TCF4: variants seen among roughly 807,000 people sequenced by gnomAD.
The protein encoded by TCF4 is SL3-3 enhancer factor 2.
TCF4 carries 3 observed loss-of-function variants against 82.1 expected under a neutral mutation model. The observed-to-expected ratio is 0.04, with a 90% confidence interval of 0.02 to 0.09. The LOEUF (loss-of-function observed/expected upper bound fraction) is 0.09. Ranked by LOEUF, TCF4 falls within the 10% of genes least tolerant of loss-of-function variation. The pLI is 1.00. For synonymous variants in TCF4, 276 were observed against 309.6 expected (o/e 0.89, Z 1.14); for missense variants, 518 against 852.7 (o/e 0.61, Z 4.89).
chr18:55,451,517 G>T (rs1384555937), intron 5 of TCF4, among the ~76,000 whole-genome samples: 1 of 152,184 alleles, frequency 6.6e-6, no homozygotes, highest in African/African-American at 2.4e-5. Context: ...TGTAAGATGT[G>T]CACTGCTCAA....
chr18:55,621,681 TATATTATATTATATA>T (rs1227584186), intron 2 of TCF4, among the ~76,000 whole-genome samples: 5 of 9,836 alleles, frequency 5.1e-4, no homozygotes, highest in African/African-American at 2.3e-3. Context: ...ATATACATTA[TATATTATATTATATA>T]ATATATATTA....
chr18:55,523,929 T>C (rs1388351485), intron 3 of TCF4, among the ~76,000 whole-genome samples: 2 of 152,170 alleles, frequency 1.3e-5, no homozygotes, highest in African/African-American at 4.8e-5. Flanking sequence ...CCAATTGTTC[T>C]AGTACCAAAA....
chr18:55,391,453 T>C (rs564009486), intron 6 of TCF4, among the ~76,000 whole-genome samples: 44 of 152,256 alleles, frequency 2.9e-4, no homozygotes, highest in African/African-American at 9.9e-4. Context: ...GATATCTTAC[T>C]TGTAAGTGAT....
rs530972789 is a variant in TCF4 at position 55,622,454 on chromosome 18, G to C, written c.286+8844C>G. 4.8e-5 allele frequency among the ~76,000 whole-genome samples: 7 copies of C among 146,364 alleles called. No individual in the cohort carries two copies. In the East Asian group the frequency reaches 1.4e-3, roughly 30 times the overall value. The stretch of plus-strand genomic sequence containing the variant: ...CCCGAGGCAGAGGTTGCAGTGAGCC[G>C]AGATCACATCACTGCACTTCAGCCT... On this transcript the variant is annotated intron_variant, in intron 2 of 20. Coordinates refer to the TCF4 transcript ENST00000398339.
chr18:55,400,940 C>G (rs1456947087), intron 6 of TCF4: 2 of 1,286,070 alleles, frequency 1.6e-6, no homozygotes, highest in Non-Finnish European at 2.0e-6. Flanking sequence ...TTTCCTATTC[C>G]GTATCTCAAT....
intron 5 of TCF4, among the ~76,000 whole-genome samples, chr18:55,452,237 T>C (rs1428279183): frequency 1.3e-5 from 2 of 152,194 alleles, no homozygotes; most frequent in Non-Finnish European, 2.9e-5. Context: ...TCTCACCATT[T>C]CATCCAGTCT....
rs1230478894 is a variant in TCF4, at chr18:55,379,762, C to G, written c.369+23692G>C. Among the ~76,000 whole-genome samples, 3 of 152,238 alleles carry G rather than the reference C, an allele frequency of 2.0e-5. No homozygotes were observed. The East Asian group carries it at 5.8e-4, about 29-fold the overall frequency. ...GTCTAAGTCAATTTAGCTGCTATAA[C>G]AAAATACGAAAGACTGGGTAGCCTA... On this transcript the variant is annotated intron_variant, in intron 6 of 19. Coordinates refer to ENST00000354452, the MANE Select transcript of TCF4 (RefSeq NM_001083962.2).
At chr18:55,540,498 A>G (rs745376387) in intron 3 of TCF4, among the ~76,000 whole-genome samples, 7 of 152,036 alleles carry the variant, frequency 4.6e-5, no homozygotes, top group Non-Finnish European at 1.0e-4. Context: ...GTTTTTTGGC[A>G]TGTTGTATAA....
At chr18:55,292,799 TACAC>T (rs750917536) in intron 8 of TCF4, among the ~76,000 whole-genome samples, 35 of 150,862 alleles carry the variant, frequency 2.3e-4, no homozygotes, top group Non-Finnish European at 4.2e-4. Flanking sequence ...TATATACACA[TACAC>T]ACATCCATTT....
intron 3 of TCF4, among the ~76,000 whole-genome samples, chr18:55,566,944 C>T (rs926635699): frequency 2.0e-5 from 3 of 152,008 alleles, no homozygotes; most frequent in Non-Finnish European, 4.4e-5. Flanking sequence ...AGTAAAACTG[C>T]TAAATGCCAA....
At chr18:55,349,116 C>T (rs914023943) in intron 8 of TCF4, among the ~76,000 whole-genome samples, 4 of 152,098 alleles carry the variant, frequency 2.6e-5, no homozygotes. Flanking sequence ...TGACTTATTG[C>T]TAGTTGAAAG....
chr18:55,323,590 T>G (rs2076074933), intron 8 of TCF4, among the ~76,000 whole-genome samples: 1 of 152,192 alleles, frequency 6.6e-6, no homozygotes, highest in Non-Finnish European at 1.5e-5. Context: ...AATCACACAT[T>G]TCATTCAAAT....
rs781505550 is a variant in TCF4 at position 55,633,279 on chromosome 18, A to G, written c.196-1891T>C. Among the ~76,000 whole-genome samples, 9 of 152,190 alleles carry G rather than the reference A, an allele frequency of 5.9e-5. No individual in the cohort carries two copies. Among genetic ancestry groups the G allele is most frequent in the Non-Finnish European group, 1.2e-4 (8 of 68,034 alleles). On this transcript the variant is annotated intron_variant, in intron 1 of 20. Coordinates refer to the TCF4 transcript ENST00000398339. The surrounding 1 kb of genome is among the most constrained non-coding windows in gnomAD (Gnocchi z 4.0). Reference sequence around the variant, plus strand: ...TATCAGCTTCTAAGGTGGCTCCCACATGCCTGGCAAGTTGGTGCTGGCTGT... The same window carrying G: ...TATCAGCTTCTAAGGTGGCTCCCACGTGCCTGGCAAGTTGGTGCTGGCTGT...
intron 5 of TCF4, among the ~76,000 whole-genome samples, chr18:55,431,683 A>G (rs4801151): frequency 0.96 from 145,616 of 152,220 alleles, 70,016 homozygotes; most frequent in East Asian, 1. Context: ...ACAAGATGGC[A>G]GCAGGCGGTG....
chr18:55,251,930 G>GTTTTTTTTTTTT (rs199695068), intron 15 of TCF4, among the ~76,000 whole-genome samples: 1 of 101,252 alleles, frequency 9.9e-6, no homozygotes. Flanking sequence ...GGGGGATGAG[G>GTTTTTTTTTTTT]TTTTTTTTTT....
At chr18:55,567,529 A>G (rs533869238) in intron 3 of TCF4, among the ~76,000 whole-genome samples, 1 of 152,298 alleles carries the variant, frequency 6.6e-6, no homozygotes, top group African/African-American at 2.4e-5. Context: ...CCTGGCCAAC[A>G]TGGTGAAACC....
chr18:55,354,573 C>T (rs1055571485), intron 6 of TCF4, among the ~76,000 whole-genome samples: 3 of 152,144 alleles, frequency 2.0e-5, no homozygotes, highest in Non-Finnish European at 4.4e-5. Context: ...AAATAGAACT[C>T]ACTGCTTGAA....
chr18:55,525,544 A>C (rs1455446973), intron 3 of TCF4, among the ~76,000 whole-genome samples: 1 of 152,190 alleles, frequency 6.6e-6, no homozygotes. Flanking sequence ...ATAGATTTGA[A>C]AATGAGACAC....
At chr18:55,264,303 A>G (rs1265659522) in intron 11 of TCF4, among the ~76,000 whole-genome samples, 2 of 152,236 alleles carry the variant, frequency 1.3e-5, no homozygotes, top group African/African-American at 4.8e-5. Context: ...ACCACTGATA[A>G]GAACAGACTA....
Sources: allele counts gnomAD v4.1 joint callset (sites outside exome capture counted in the v4.1 genomes callset), GRCh38; gene constraint gnomAD v4.1.1; non-coding constraint Gnocchi (gnomAD v3.1); transcripts MANE v1.5; gene names NCBI Gene and HGNC (gene_info 2026-07-23, HGNC 2026-07-21).